Variants in ZC3H12C observed in about 807,000 individuals in gnomAD.
ZC3H12C encodes zinc finger CCCH-type containing 12C, also known as probable ribonuclease ZC3H12C.
ZC3H12C carries 20 observed loss-of-function variants against 76.3 expected under a neutral mutation model. The ratio of observed to expected loss-of-function variants is 0.26; its 90% CI spans 0.18 to 0.38. The LOEUF (loss-of-function observed/expected upper bound fraction) is 0.38. Ranked by LOEUF, ZC3H12C falls within the 10% of genes least tolerant of loss-of-function variation. The pLI, the probability that ZC3H12C is intolerant of heterozygous loss-of-function variation, is 1.00. For missense variants in ZC3H12C, 874 were observed against 1,086.5 expected (o/e 0.80, Z 2.75); for synonymous variants, 352 against 399.6 (o/e 0.88, Z 1.42).
At chr11:110,130,270 AAGTT>A (rs2134170655) in intron 1 of ZC3H12C, among the ~76,000 whole-genome samples, 1 of 152,304 alleles carries the variant, frequency 6.6e-6, no homozygotes, top group African/African-American at 2.4e-5. Context: ...ATTTGGCACA[AAGTT>A]AGACAGAACT....
At position 110,166,475 on chromosome 11, in the gene ZC3H12C, G is replaced by T. The variant is rs1163946486; in HGVS notation, c.*738G>T. 1 of 152,064 alleles carries T rather than the reference G, an allele frequency of 6.6e-6. No individual in the cohort carries two copies. Among genetic ancestry groups the T allele is most frequent in the Non-Finnish European group, 1.5e-5 (1 of 67,998 alleles). 9.4% of individuals were successfully genotyped at this position (152,064 alleles called of 1,614,324 possible). A position where few individuals can be genotyped will look rare whatever the true frequency, so the allele number is the denominator to read the frequency against. On this transcript the variant is annotated 3_prime_UTR_variant, in exon 6 of 6. Transcript: ENST00000278590. ...TAAAAGAAAGCAGATGCAATCAATG[G>T]AAAAATGTTTCCATTTTTTAAAAAT... is the stretch of plus-strand genomic sequence containing the variant.
chr11:110,105,472 G>A (rs1032685828), intron 1 of ZC3H12C, among the ~76,000 whole-genome samples: 1 of 152,114 alleles, frequency 6.6e-6, no homozygotes, highest in African/African-American at 2.4e-5. Flanking sequence ...TCAAATGGGG[G>A]AAGTGTTTTC....
intron 2 of ZC3H12C, among the ~76,000 whole-genome samples, chr11:110,138,170 G>A (rs1177822643): frequency 6.6e-6 from 1 of 151,944 alleles, no homozygotes; most frequent in Non-Finnish European, 1.5e-5. Flanking sequence ...AATATTTAAA[G>A]CACATCTAAA....
At position 110,140,034 on chromosome 11, in the gene ZC3H12C, G is replaced by T. The variant is rs1288957365; in HGVS notation, c.773+2620G>T. Among the ~76,000 whole-genome samples the T allele has an allele frequency of 2.6e-5, 4 of 152,128 alleles. No individual in the cohort carries two copies. The East Asian group carries it at 7.7e-4, about 29-fold the overall frequency. On this transcript the variant is annotated intron_variant, in intron 2 of 5. Transcript: ENST00000278590. ...AATACAATTAAGGCCGGGCACAGTG[G>T]CTCATGCCTGTAATCCCAGCACTTT...
At position 110,169,009 on chromosome 11, in the gene ZC3H12C, T is replaced by C. The variant is rs1354892424; in HGVS notation, c.*3272T>C. The C allele has an allele frequency of 6.6e-6, 1 of 152,124 alleles. No homozygotes were observed. The highest frequency in any genetic ancestry group is 6.6e-5 in the Admixed American group (1 of 15,250). The allele number at this position is 152,124 out of a possible 1,614,324, so 9.4% of individuals were successfully genotyped here. On this transcript the variant is annotated 3_prime_UTR_variant, in exon 6 of 6. Transcript: ENST00000278590. ...GGGGGAGTGCTTCTGATGGCTAACT[T>C]TTCTCTAATTAAACTATGTTTCTTT...
At chr11:110,131,877 G>A (rs551231147) in intron 1 of ZC3H12C, 4 of 152,300 alleles carry the variant, frequency 2.6e-5, no homozygotes, top group South Asian at 2.1e-4. Flanking sequence ...AAAGTTTTCC[G>A]AAGATGGGCA....
Position 110,165,399 on chromosome 11 carries a change from G to GAAGGC in ZC3H12C, c.2315_2319dup (p.Leu774LysfsTer83), listed in dbSNP as rs1862561980. The GAAGGC allele has an allele frequency of 6.2e-7, 1 of 1,613,872 alleles. No individual in the cohort carries two copies. The highest frequency in any genetic ancestry group is 8.5e-7 in the Non-Finnish European group (1 of 1,179,900). ...ACAAAGAAAGCCTTATTCCCGCCAGGAAGGCCTGGGAAGCTGGGAGAGGCC... is the reference window on the plus strand; with the variant it reads ...ACAAAGAAAGCCTTATTCCCGCCAGGAAGGCAAGGCCTGGGAAGCTGGGAGAGGCC... On this transcript the variant is annotated frameshift_variant, in exon 6 of 6. Transcript: ENST00000278590. LOFTEE classifies it high-confidence loss of function.
intron 1 of ZC3H12C, among the ~76,000 whole-genome samples, chr11:110,110,808 T>G (rs891523704): frequency 6.6e-6 from 1 of 152,184 alleles, no homozygotes; most frequent in Non-Finnish European, 1.5e-5. Context: ...GCAGCTAATC[T>G]TTGAAGGCAA....
chr11:110,132,010 T>C (rs1437103552), intron 1 of ZC3H12C, among the ~76,000 whole-genome samples: 1 of 152,182 alleles, frequency 6.6e-6, no homozygotes, highest in Non-Finnish European at 1.5e-5. Context: ...CAGCACTCAC[T>C]CAAATACAAT....
chr11:110,138,312 A>T (rs954625061), intron 2 of ZC3H12C, among the ~76,000 whole-genome samples: 1 of 152,138 alleles, frequency 6.6e-6, no homozygotes, highest in African/African-American at 2.4e-5. Flanking sequence ...AGGTGATCTG[A>T]TGATGCCTAC....
At chr11:110,143,558 T>G (rs977251696) in intron 2 of ZC3H12C, among the ~76,000 whole-genome samples, 2 of 152,004 alleles carry the variant, frequency 1.3e-5, no homozygotes. Context: ...TAAAATCTAC[T>G]ATACTCTTTC....
chr11:110,159,200 CAT>C, intron 3 of ZC3H12C, 54 bp from the exon 4 acceptor site: 1 of 1,351,274 alleles, frequency 7.4e-7, no homozygotes, highest in Non-Finnish European at 1.0e-6. Flanking sequence ...TGAAAGTTGC[CAT>C]GTGTGTTATC....
Position 110,137,212 on chromosome 11 carries a change from T to C in ZC3H12C, c.571T>C (p.Leu191=), listed in dbSNP as rs1413986771. ...ACTAAACAAACTTGGTACTGATGCT[T>C]TAATCAATGATATTTTGGGAGAACT... ...LVLNKLGTDA[L]INDILGELVK... is the part of the protein sequence containing the mutation. The change falls in exon 2 of 6, where the codon TTA becomes CTA. Residue 191 remains leucine (L), a synonymous_variant. Transcript: ENST00000278590. 2 of 1,613,792 alleles carry C rather than the reference T, an allele frequency of 1.2e-6. No homozygotes were observed. The highest frequency in any genetic ancestry group is 2.7e-5 in the African/African-American group (2 of 74,910).
chr11:110,165,739 A>G lies in ZC3H12C; in HGVS notation c.*2A>G. On this transcript the variant is annotated 3_prime_UTR_variant, in exon 6 of 6. Transcript: ENST00000278590. ...GAGAAATCCCAGCTGGGTTATTGAA[A>G]GATGATGCATCTTTGTGGTGTTTAG... 6.4e-7 allele frequency: 1 copy of G among 1,570,674 alleles called. No homozygotes were observed. The highest frequency in any genetic ancestry group is 8.6e-7 in the Non-Finnish European group (1 of 1,156,880).
chr11:110,161,311 G>A (rs1001604731), intron 4 of ZC3H12C, among the ~76,000 whole-genome samples: 4 of 152,086 alleles, frequency 2.6e-5, no homozygotes, highest in Non-Finnish European at 4.4e-5. Context: ...CAGCTCTACC[G>A]TCATATATGC....
chr11:110,108,173 C>T (rs755065340), intron 1 of ZC3H12C, among the ~76,000 whole-genome samples: 43 of 152,054 alleles, frequency 2.8e-4, no homozygotes, highest in Non-Finnish European at 6.0e-4. Flanking sequence ...CAAAGCTGCT[C>T]TTGAACTCCT....
At chr11:110,093,453 TG>T (rs1187776820) in intron 1 of ZC3H12C, 21 bp downstream of exon 1, 6 of 1,178,906 alleles carry the variant, frequency 5.1e-6, no homozygotes, top group Non-Finnish European at 2.1e-6. Flanking sequence ...GGGAAGGGGG[TG>T]GGGGACGCGG....
At chr11:110,115,280 ATTTTT>A (rs1192977464) in intron 1 of ZC3H12C, among the ~76,000 whole-genome samples, 2 of 150,874 alleles carry the variant, frequency 1.3e-5, no homozygotes, top group Non-Finnish European at 3.0e-5. Context: ...TAGTTTATTT[ATTTTT>A]ATTTTATTTT....
intron 1 of ZC3H12C, among the ~76,000 whole-genome samples, chr11:110,108,834 T>A (rs1442492789): frequency 2.0e-5 from 3 of 152,216 alleles, no homozygotes; most frequent in Non-Finnish European, 4.4e-5. Context: ...TAAATGTTAC[T>A]ACCTTCTTCT....
Sources: allele counts gnomAD v4.1 joint callset (sites outside exome capture counted in the v4.1 genomes callset), GRCh38; gene constraint gnomAD v4.1.1; transcripts MANE v1.5; gene names NCBI Gene and HGNC (gene_info 2026-07-23, HGNC 2026-07-21).